FHIT: variants seen among roughly 807,000 people sequenced by gnomAD.
FHIT encodes the protein fragile histidine triad diadenosine triphosphatase, also known as bis(5'-adenosyl)-triphosphatase.
FHIT carries 19 observed loss-of-function variants against 17.9 expected under a neutral mutation model. The observed-to-expected ratio is 1.06, with a 90% CI of 0.74 to 1.56. The LOEUF is 1.56. Among genes scored for constraint, FHIT ranks in the 40% most tolerant of loss-of-function variants. FHIT has a pLI of 0.00. For missense variants in FHIT, 248 were observed against 189.2 expected (o/e 1.31, Z -1.82); for synonymous variants, 81 against 69.7 (o/e 1.16, Z -0.81).
At chr3:60,209,983 C>A (rs191892046) in intron 5 of FHIT, among the ~76,000 whole-genome samples, 1 of 152,030 alleles carries the variant, frequency 6.6e-6, no homozygotes, top group African/African-American at 2.4e-5. Flanking sequence ...TCAATAGGTG[C>A]AGCAAACCAC....
chr3:59,951,202 G>T (rs1707098687), intron 7 of FHIT, among the ~76,000 whole-genome samples: 1 of 152,142 alleles, frequency 6.6e-6, no homozygotes, highest in Non-Finnish European at 1.5e-5. Flanking sequence ...GTATTATCCT[G>T]GAAGAGCTAA....
intron 5 of FHIT, among the ~76,000 whole-genome samples, chr3:60,468,268 G>T (rs55962863): frequency 0.04 from 6,151 of 151,994 alleles, 397 homozygotes; most frequent in African/African-American, 0.14. Flanking sequence ...TACATCTTTC[G>T]ATTAGAGTTT....
intron 4 of FHIT, among the ~76,000 whole-genome samples, chr3:60,774,595 T>G (rs1700157715): frequency 6.6e-6 from 1 of 152,182 alleles, no homozygotes; most frequent in African/African-American, 2.4e-5. Context: ...CCACTGTGCT[T>G]GGCCAAAATT....
intron 4 of FHIT, among the ~76,000 whole-genome samples, chr3:60,729,790 T>C (rs1307403708): frequency 1.3e-5 from 2 of 151,924 alleles, no homozygotes; most frequent in Admixed American, 1.3e-4. Flanking sequence ...TATATTTCAA[T>C]TCCAGTGTTT....
At position 59,859,219 on chromosome 3, in the gene FHIT, G is replaced by C. The variant is rs530435590; in HGVS notation, c.348+63127C>G. ...GGACCAGGTGATCAAGTGGGGATAC[G>C]GTCAGTGTGGTTGCCTTCTGATGTG... On this transcript the variant is annotated intron_variant, in intron 8 of 9. Coordinates refer to ENST00000492590, the MANE Select transcript of FHIT (RefSeq NM_002012.4). Among the ~76,000 whole-genome samples the C allele has an allele frequency of 2.2e-4, 33 of 152,264 alleles. No homozygotes were observed. In the Middle Eastern group the frequency reaches 0.014, roughly 63 times the overall value.
At chr3:59,811,721 G>A (rs1157776893) in intron 8 of FHIT, among the ~76,000 whole-genome samples, 1 of 152,222 alleles carries the variant, frequency 6.6e-6, no homozygotes, top group Non-Finnish European at 1.5e-5. Context: ...CACTGCTGCA[G>A]AGAGAGGAAT....
At chr3:60,787,819 C>T (rs1700634903) in intron 4 of FHIT, among the ~76,000 whole-genome samples, 1 of 152,212 alleles carries the variant, frequency 6.6e-6, no homozygotes, top group African/African-American at 2.4e-5. Flanking sequence ...CTTGCTCCAT[C>T]TCTCATACTG....
chr3:61,099,224 A>G (rs2035741643), intron 2 of FHIT, among the ~76,000 whole-genome samples: 1 of 152,208 alleles, frequency 6.6e-6, no homozygotes, highest in African/African-American at 2.4e-5. Flanking sequence ...AATAACATTT[A>G]TGGATTTGCA....
intron 3 of FHIT, among the ~76,000 whole-genome samples, chr3:60,904,413 A>G (rs2107237330): frequency 6.6e-6 from 1 of 152,240 alleles, no homozygotes; most frequent in South Asian, 2.1e-4. Flanking sequence ...TTAGGAGAAA[A>G]CATGAGAGAA....
At chr3:61,053,514 C>T (rs1052123308) in intron 2 of FHIT, among the ~76,000 whole-genome samples, 15 of 151,846 alleles carry the variant, frequency 9.9e-5, no homozygotes, top group Admixed American at 6.6e-4. Flanking sequence ...CAAAATTAGC[C>T]GGGTGTGGTG....
At chr3:60,421,936 A>G (rs1328870647) in intron 5 of FHIT, among the ~76,000 whole-genome samples, 2 of 152,154 alleles carry the variant, frequency 1.3e-5, no homozygotes, top group East Asian at 1.9e-4. Context: ...GCAAGGCGCT[A>G]TCAGCCTGCA....
chr3:60,618,114 T>A (rs2039007866), intron 4 of FHIT: 1 of 156,918 alleles, frequency 6.4e-6, no homozygotes, highest in African/African-American at 2.4e-5. Context: ...GCCAGTCATA[T>A]AATGTAGTGG....
intron 5 of FHIT, among the ~76,000 whole-genome samples, chr3:60,243,075 A>G (rs1191893729): frequency 1.3e-5 from 2 of 152,010 alleles, no homozygotes; most frequent in African/African-American, 4.8e-5. Flanking sequence ...AAAAAAAAAA[A>G]AAAATTAGAT....
intron 8 of FHIT, among the ~76,000 whole-genome samples, chr3:59,898,617 A>T (rs1021703973): frequency 2.6e-5 from 4 of 152,186 alleles, no homozygotes; most frequent in Non-Finnish European, 2.9e-5. Context: ...TCATTTAGAT[A>T]ATAAATATCC....
At chr3:59,823,132 T>A (rs1700853315) in intron 8 of FHIT, among the ~76,000 whole-genome samples, 1 of 152,182 alleles carries the variant, frequency 6.6e-6, no homozygotes, top group African/African-American at 2.4e-5. Flanking sequence ...TATTTCTTGG[T>A]TCACTATTCT....
At chr3:59,901,466 C>G (rs1704326871) in intron 8 of FHIT, among the ~76,000 whole-genome samples, 1 of 152,112 alleles carries the variant, frequency 6.6e-6, no homozygotes, top group African/African-American at 2.4e-5. Flanking sequence ...GGCACAGAAT[C>G]TGAATAGACA....
intron 4 of FHIT, among the ~76,000 whole-genome samples, chr3:60,573,483 T>C (rs544747270): frequency 6.6e-6 from 1 of 152,196 alleles, no homozygotes; most frequent in South Asian, 2.1e-4. Flanking sequence ...AAAATCTTTC[T>C]AGAGGACTTT....
rs796525437 is a variant in FHIT, at chr3:60,470,058, T to TTCTCTCTCTCTCTCTCTCTCTC, written c.103+66780_103+66801dup. On this transcript the variant is annotated intron_variant, in intron 5 of 9. Transcript: ENST00000492590. ...TCTCTCCCCTCTCCTCTCTCTTTCT[T>TTCTCTCTCTCTCTCTCTCTCTC]TCTCTCTCTCTCTCTCTCTCTCCAG... Among the ~76,000 whole-genome samples, 232 of 143,020 alleles carry TTCTCTCTCTCTCTCTCTCTCTC rather than the reference T, an allele frequency of 1.6e-3. 2 individuals are homozygous for TTCTCTCTCTCTCTCTCTCTCTC. The highest frequency in any genetic ancestry group is 2.0e-3 in the Non-Finnish European group (132 of 66,262). 93.8% of individuals were successfully genotyped at this position (143,020 alleles called of 152,430 possible).
intron 2 of FHIT, among the ~76,000 whole-genome samples, chr3:61,140,685 G>T (rs1488001268): frequency 1.3e-5 from 2 of 152,050 alleles, no homozygotes; most frequent in Admixed American, 1.3e-4. Context: ...CTTATATCTA[G>T]AAGAACGTCC....
Sources: allele counts gnomAD v4.1 joint callset (sites outside exome capture counted in the v4.1 genomes callset), GRCh38; gene constraint gnomAD v4.1.1; transcripts MANE v1.5; gene names NCBI Gene and HGNC (gene_info 2026-07-23, HGNC 2026-07-21).